Variants in NTM observed in about 807,000 individuals in gnomAD.
NTM encodes the protein IgLON family member 2.
Under a neutral mutation model 42.1 loss-of-function variants are expected in NTM, and 13 were observed. The observed-to-expected ratio is 0.31, with a 90% CI of 0.20 to 0.49. The LOEUF is 0.49. Ranked by LOEUF, NTM falls within the 20% of genes least tolerant of loss-of-function variation. The pLI is 0.99. For synonymous variants in NTM, 187 were observed against 179.2 expected (o/e 1.04, Z -0.35); for missense variants, 373 against 452.8 (o/e 0.82, Z 1.60).
chr11:131,820,561 A>C (rs564581761), intron 1 of NTM, among the ~76,000 whole-genome samples: 8 of 152,336 alleles, frequency 5.3e-5, no homozygotes, highest in African/African-American at 1.9e-4. Context: ...AATGGGGCCA[A>C]GGCCACCTGA....
At chr11:132,189,770 T>A (rs554906744) in intron 3 of NTM, among the ~76,000 whole-genome samples, 1 of 152,302 alleles carries the variant, frequency 6.6e-6, no homozygotes, top group East Asian at 1.9e-4. Flanking sequence ...GCCAGAAATA[T>A]GTCTTTTAGT....
intron 1 of NTM, among the ~76,000 whole-genome samples, chr11:131,378,634 A>T (rs1403994726): frequency 1.3e-5 from 2 of 152,134 alleles, no homozygotes; most frequent in African/African-American, 2.4e-5. Flanking sequence ...ACTGATAATG[A>T]CTCTCAATTG....
chr11:131,612,895 C>T (rs2061576929), intron 1 of NTM, among the ~76,000 whole-genome samples: 1 of 152,210 alleles, frequency 6.6e-6, no homozygotes, highest in Non-Finnish European at 1.5e-5. Flanking sequence ...ATCGCTCCCT[C>T]TGCCTCTGCT....
rs912444916 is a variant in NTM, at chr11:131,892,146, T to TTTC, written c.83-19406_83-19404dup. 1.1e-4 allele frequency among the ~76,000 whole-genome samples: 17 copies of TTTC among 151,964 alleles called. No homozygotes were observed. The East Asian group carries it at 2.9e-3, about 26-fold the overall frequency. Reference sequence around the variant, plus strand: ...TCCCCTTCTCCTCTTCCTCCTCCTCTTTCTTCTTCTTCTTTCCTCCTCCTT... The same window carrying TTTC: ...TCCCCTTCTCCTCTTCCTCCTCCTCTTTCTTCTTCTTCTTCTTTCCTCCTCCTT... On this transcript the variant is annotated intron_variant, in intron 1 of 8. Coordinates refer to ENST00000683400, the MANE Select transcript of NTM (RefSeq NM_001352005.2).
At chr11:132,087,112 A>G (rs1385499986) in intron 2 of NTM, among the ~76,000 whole-genome samples, 1 of 152,088 alleles carries the variant, frequency 6.6e-6, no homozygotes, top group Admixed American at 6.5e-5. Context: ...TATGTGAGGG[A>G]GAAAAGAAAA....
chr11:131,733,452 T>C lies in NTM; in HGVS notation c.83-178112T>C, dbSNP rs1186501751. The stretch of plus-strand genomic sequence containing the variant: ...TTATTGTAAAATGTCTTTTCCTTCC[T>C]TCCTTCCTTCTTTCCTTCCTTCCTT... On this transcript the variant is annotated intron_variant, in intron 1 of 8. Transcript: ENST00000683400. Among the ~76,000 whole-genome samples the C allele has an allele frequency of 3.7e-5, 5 of 136,118 alleles. No individual in the cohort carries two copies. The East Asian group carries it at 8.4e-4, about 23-fold the overall frequency. The allele number at this position is 136,118 out of a possible 152,430, so 89.3% of individuals were successfully genotyped here.
At chr11:131,375,826 C>T (rs1001752414) in intron 1 of NTM, among the ~76,000 whole-genome samples, 5 of 151,782 alleles carry the variant, frequency 3.3e-5, no homozygotes, top group Non-Finnish European at 1.5e-5. Flanking sequence ...TTTATTTATG[C>T]AACCCTCTGG....
intron 1 of NTM, among the ~76,000 whole-genome samples, chr11:131,525,280 G>A (rs1001030538): frequency 4.6e-5 from 7 of 152,168 alleles, no homozygotes; most frequent in Non-Finnish European, 4.4e-5. Context: ...TGCTGACCCC[G>A]GTGCCCATCA....
chr11:131,605,740 A>G (rs2060893696), intron 1 of NTM: 1 of 960,776 alleles, frequency 1.0e-6, no homozygotes, highest in Non-Finnish European at 1.2e-6. Context: ...GAGTGTTTGT[A>G]TCATTTAAAG....
intron 1 of NTM, among the ~76,000 whole-genome samples, chr11:131,609,151 C>T (rs1336215956): frequency 1.3e-5 from 2 of 152,292 alleles, no homozygotes; most frequent in East Asian, 3.9e-4. Flanking sequence ...AAGGCGTGGG[C>T]CCTGCACGGC....
At chr11:132,218,975 T>C (rs145363002) in intron 4 of NTM, among the ~76,000 whole-genome samples, 555 of 152,284 alleles carry the variant, frequency 3.6e-3, no homozygotes, top group African/African-American at 0.011. Context: ...TCTCTGAAGA[T>C]GTGCTTCTTT....
chr11:131,449,712 G>A (rs1158126064), intron 1 of NTM, among the ~76,000 whole-genome samples: 2 of 152,190 alleles, frequency 1.3e-5, no homozygotes, highest in Non-Finnish European at 2.9e-5. Flanking sequence ...GTGTCCAGAA[G>A]CATGGAGGCC....
At chr11:132,210,766 C>T (rs992938342) in intron 3 of NTM, among the ~76,000 whole-genome samples, 1 of 152,212 alleles carries the variant, frequency 6.6e-6, no homozygotes, top group African/African-American at 2.4e-5. Flanking sequence ...GGATGTTCCA[C>T]AGGCCCTATC....
chr11:131,506,089 G>A (rs1259528739), intron 1 of NTM, among the ~76,000 whole-genome samples: 7 of 152,104 alleles, frequency 4.6e-5, no homozygotes, highest in Non-Finnish European at 1.0e-4. Context: ...GGATGTAAGA[G>A]GTTGTAAGGG....
intron 2 of NTM, among the ~76,000 whole-genome samples, chr11:132,049,346 C>G (rs769946998): frequency 5.0e-4 from 76 of 152,320 alleles, no homozygotes; most frequent in Non-Finnish European, 9.6e-4. Context: ...GGCAAGGGCA[C>G]ATTCCCCCTT....
intron 1 of NTM, among the ~76,000 whole-genome samples, chr11:131,648,914 T>C (rs1462357390): frequency 1.3e-5 from 2 of 152,084 alleles, no homozygotes; most frequent in East Asian, 1.9e-4. Flanking sequence ...AAAGAAGACA[T>C]AGAAGAATAA....
At chr11:132,220,826 G>A (rs182395526) in intron 4 of NTM, among the ~76,000 whole-genome samples, 286 of 152,294 alleles carry the variant, frequency 1.9e-3, no homozygotes, top group African/African-American at 6.7e-3. Flanking sequence ...CCTCCCCACA[G>A]AAGCCAACCA....
chr11:131,754,509 C>T (rs2083053275), intron 1 of NTM, among the ~76,000 whole-genome samples: 1 of 151,900 alleles, frequency 6.6e-6, no homozygotes, highest in African/African-American at 2.4e-5. Context: ...TCTGTAATCC[C>T]AGCTACTTGG....
intron 3 of NTM, among the ~76,000 whole-genome samples, chr11:132,162,056 C>T (rs1003235785): frequency 6.6e-6 from 1 of 152,142 alleles, no homozygotes; most frequent in Non-Finnish European, 1.5e-5. Context: ...TCTTGAGATC[C>T]AAACATGTTA....
Sources: gnomAD v4.1 joint callset for allele counts (sites outside exome capture counted in the v4.1 genomes callset) on GRCh38, gnomAD v4.1.1 for gene constraint, MANE v1.5 for transcripts, NCBI Gene and HGNC (gene_info 2026-07-23, HGNC 2026-07-21) for gene names.